ASL: variants seen among roughly 807,000 people sequenced by gnomAD.
ASL encodes argininosuccinase.
Under a neutral mutation model 69.1 loss-of-function variants are expected in ASL, and 51 were observed. That is an observed-to-expected ratio of 0.74 (90% CI 0.59 to 0.93). The LOEUF (loss-of-function observed/expected upper bound fraction) is 0.93. Among genes scored for constraint, ASL ranks in the 40% least tolerant of loss-of-function variants. The probability of loss-of-function intolerance (pLI) is 0.00; values close to 1 mark genes in which losing one functional copy is unlikely to be tolerated. For synonymous variants in ASL, 241 were observed against 247.6 expected (o/e 0.97, Z 0.25); for missense variants, 540 against 623.9 (o/e 0.87, Z 1.43).
At position 66,076,108 on chromosome 7, in the gene ASL, G is replaced by T; in HGVS notation, c.12+15G>T. ...TGGCCTCGGAGGTGAGTGGGACCTCGGGGACTCCGGTCCTCCTAGCCTCCA... is the reference window on the plus strand; with the variant it reads ...TGGCCTCGGAGGTGAGTGGGACCTCTGGGACTCCGGTCCTCCTAGCCTCCA... On this transcript the variant is annotated intron_variant, in intron 2 of 16. Transcript: ENST00000304874. 1 of 1,592,160 alleles carries T rather than the reference G, an allele frequency of 6.3e-7. No homozygotes were observed. Among genetic ancestry groups the T allele is most frequent in the East Asian group, 2.3e-5 (1 of 43,772 alleles).
At position 66,089,275 on chromosome 7, in the gene ASL, GT is replaced by G; in HGVS notation, c.919del (p.Cys307ValfsTer5). 1.2e-6 allele frequency: 2 copies of G among 1,610,972 alleles called. No homozygotes were observed. The highest frequency in any genetic ancestry group is 1.7e-6 in the Non-Finnish European group (2 of 1,178,800). Reference sequence around the variant, plus strand: ...GCCCCTGTGCCTCCCTCTTCCCGCAGTGTGCCGGGCTCCTGATGACCCTCAA... The same window carrying G: ...GCCCCTGTGCCTCCCTCTTCCCGCAGGTGCCGGGCTCCTGATGACCCTCAA... ...RSKAGRVFGRCAGLLMTLKGL... is the reference protein window; with the variant it reads ...RSKAGRVFGRXAGLLMTLKGL... On this transcript the variant is annotated frameshift_variant and splice_region_variant, in exon 13 of 17. Transcript: ENST00000304874. LOFTEE classifies it high-confidence loss of function.
In ASL at chr7:66,076,021, T is replaced by C; in HGVS notation, c.-43-18T>C. ...CCCTGCTGGCCAAGGAGGTCGTCAG[T>C]CCGGTCTTGTCTTCCAGACCCGGAG... On this transcript the variant is annotated intron_variant, in intron 1 of 16. Transcript: ENST00000304874. The C allele has an allele frequency of 1.9e-6, 3 of 1,567,282 alleles. No homozygotes were observed. In the South Asian group the frequency reaches 3.5e-5, roughly 18 times the overall value.
At chr7:66,081,721 A>G (rs1786507602) in intron 2 of ASL, 82 bp from the exon 3 acceptor site, 5 of 1,502,902 alleles carry the variant, frequency 3.3e-6, no homozygotes, top group African/African-American at 2.8e-5. Flanking sequence ...ATCAGACTTG[A>G]TAAGTTTCCC....
In ASL at chr7:66,093,047, G is replaced by C; in HGVS notation, c.*135G>C. ...GACAGTCAGGGACTGGAGAGGCAGG[G>C]CAGGGTGGCCTGTAATCCCAGCACT... On this transcript the variant is annotated 3_prime_UTR_variant, in exon 17 of 17. Coordinates refer to ENST00000304874, the MANE Select transcript of ASL (RefSeq NM_000048.4). The C allele has an allele frequency of 1.4e-6, 2 of 1,423,598 alleles. No individual in the cohort carries two copies. The highest frequency in any genetic ancestry group is 1.9e-6 in the Non-Finnish European group (2 of 1,050,552). The allele number at this position is 1,423,598 out of a possible 1,614,324, so 88.2% of individuals were successfully genotyped here.
intron 12 of ASL, 50 bp from the exon 13 acceptor site, chr7:66,089,226 C>A: frequency 6.2e-7 from 1 of 1,611,558 alleles, no homozygotes; most frequent in Non-Finnish European, 8.5e-7. Flanking sequence ...GGTGGGTGGC[C>A]AGGGGGGCAG....
intron 2 of ASL, among the ~76,000 whole-genome samples, chr7:66,076,845 A>G (rs1786361231): frequency 6.6e-6 from 1 of 152,140 alleles, no homozygotes. Flanking sequence ...ATGCTTGATG[A>G]AGGGAACTCC....
intron 3 of ASL, 38 bp from the exon 4 acceptor site, chr7:66,082,330 T>A: frequency 6.3e-7 from 1 of 1,580,218 alleles, no homozygotes; most frequent in South Asian, 1.2e-5. Context: ...TGCTGATGCC[T>A]GCTCACCTGA....
Position 66,093,236 on chromosome 7 carries a change from T to G in ASL, c.*324T>G. The G allele has an allele frequency of 2.3e-6, 1 of 431,502 alleles. No individual in the cohort carries two copies. The highest frequency in any genetic ancestry group is 4.4e-6 in the Non-Finnish European group (1 of 228,938). The allele number at this position is 431,502 out of a possible 1,614,324, so 26.7% of individuals were successfully genotyped here. Reference sequence around the variant, plus strand: ...TAAGGCTGAGGTGAGAGGACACTTGTGCCCAGGAGTGGAGGCTGCAGTGAG... The same window carrying G: ...TAAGGCTGAGGTGAGAGGACACTTGGGCCCAGGAGTGGAGGCTGCAGTGAG... On this transcript the variant is annotated 3_prime_UTR_variant, in exon 17 of 17. Transcript: ENST00000304874.
intron 10 of ASL, among the ~76,000 whole-genome samples, chr7:66,088,595 G>A (rs1039081790): frequency 6.6e-6 from 1 of 152,184 alleles, no homozygotes; most frequent in Non-Finnish European, 1.5e-5. Flanking sequence ...AATGGCTTAC[G>A]TTTGTAATCC....
chr7:66,085,985 G>A (rs1220212875), intron 6 of ASL, among the ~76,000 whole-genome samples: 1 of 152,148 alleles, frequency 6.6e-6, no homozygotes, highest in African/African-American at 2.4e-5. Context: ...CTACTCAGGA[G>A]GCTGAGACAG....
At chr7:66,082,568 C>G (rs1398668948) in intron 4 of ASL, 117 bp downstream of exon 4, 8 of 1,222,690 alleles carry the variant, frequency 6.5e-6, no homozygotes, top group Non-Finnish European at 9.4e-6. Flanking sequence ...CATGTGAGAC[C>G]TCAGGACATG....
intron 14 of ASL, among the ~76,000 whole-genome samples, chr7:66,091,515 GTGCCATTGCA>G (rs1300824134): frequency 1.3e-5 from 2 of 152,184 alleles, no homozygotes; most frequent in Non-Finnish European, 2.9e-5. Flanking sequence ...AGCCAGGATT[GTGCCATTGCA>G]CTCCAACATG....
chr7:66,086,575 T>A lies in ASL; in HGVS notation c.447-10T>A, dbSNP rs1452626926. ...CCTCCACCCGAGCTTCTGCTCCTCC[T>A]CTCCCACAGGGAACGTGATGTTCTC... On this transcript the variant is annotated splice_polypyrimidine_tract_variant and intron_variant, in intron 6 of 16. Coordinates refer to ENST00000304874, the MANE Select transcript of ASL (RefSeq NM_000048.4). 1 of 1,613,124 alleles carries A rather than the reference T, an allele frequency of 6.2e-7. No individual in the cohort carries two copies. Among genetic ancestry groups the A allele is most frequent in the Non-Finnish European group, 8.5e-7 (1 of 1,179,998 alleles).
Position 66,081,866 on chromosome 7 carries a change from G to A in ASL, c.76G>A (p.Ala26Thr), listed in dbSNP as rs775839623. 1.1e-5 allele frequency: 17 copies of A among 1,613,936 alleles called. No individual in the cohort carries two copies. The highest frequency in any genetic ancestry group is 8.3e-5 in the Admixed American group (5 of 59,984). The change falls in exon 3 of 17, where the codon GCG becomes ACG. Residue 26 changes from alanine (A) to threonine (T), a missense_variant. Physicochemically the swap from Ala to Thr is moderately conservative, Grantham distance 58 (BLOSUM62 0). Transcript: ENST00000304874. ...AVDPIMEKFNASIAYDRHLWE... is the reference protein window; with the variant it reads ...AVDPIMEKFNTSIAYDRHLWE... The stretch of plus-strand genomic sequence containing the variant: ...GGACCCCATCATGGAGAAGTTCAAC[G>A]CGTCCATTGCCTACGACCGGCACCT...
intron 2 of ASL, among the ~76,000 whole-genome samples, chr7:66,078,695 C>T (rs190773615): frequency 2.1e-5 from 3 of 143,968 alleles, no homozygotes; most frequent in Admixed American, 1.5e-4. Context: ...AGTACAATGG[C>T]GCCATCTCTG....
At chr7:66,076,823 G>A (rs1303468109) in intron 2 of ASL, among the ~76,000 whole-genome samples, 1 of 152,192 alleles carries the variant, frequency 6.6e-6, no homozygotes, top group Non-Finnish European at 1.5e-5. Flanking sequence ...GGTGAGAGGG[G>A]CTGTTCGCCT....
At chr7:66,084,463 A>G (rs1786602386) in intron 6 of ASL, among the ~76,000 whole-genome samples, 1 of 151,616 alleles carries the variant, frequency 6.6e-6, no homozygotes, top group East Asian at 2.0e-4. Flanking sequence ...CGCTCAGCTT[A>G]ATTTTTAAAT....
chr7:66,081,903 A>G lies in ASL; in HGVS notation c.113A>G (p.Asp38Gly). 1 of 1,613,956 alleles carries G rather than the reference A, an allele frequency of 6.2e-7. No homozygotes were observed. Among genetic ancestry groups the G allele is most frequent in the Non-Finnish European group, 8.5e-7 (1 of 1,180,012 alleles). ...TACGACCGGCACCTTTGGGAGGTGG[A>G]TGTTCAAGGCAGCAAAGCCTACAGC... The part of the protein sequence containing the change: ...IAYDRHLWEV[D>G]VQGSKAYSRG... The change falls in exon 3 of 17, where the codon GAT (aspartate) becomes GGT (glycine). Residue 38 changes from aspartate (D) to glycine (G), a missense_variant. Asp to Gly is a moderately conservative substitution (Grantham distance 94). Transcript: ENST00000304874.
At chr7:66,087,239 C>A in intron 8 of ASL, 95 bp from the exon 9 acceptor site, 1 of 1,308,344 alleles carries the variant, frequency 7.6e-7, no homozygotes, top group Non-Finnish European at 1.1e-6. Context: ...TCTGTGTGTG[C>A]GTTCGTGTGT....
Sources: gnomAD v4.1 joint callset for allele counts (sites outside exome capture counted in the v4.1 genomes callset) on GRCh38, gnomAD v4.1.1 for gene constraint, MANE v1.5 for transcripts, NCBI Gene and HGNC (gene_info 2026-07-23, HGNC 2026-07-21) for gene names.